Variants in TTN observed in about 807,000 individuals in gnomAD.
TTN encodes titin.
Under a neutral mutation model 3,223.0 loss-of-function variants are expected in TTN, and 1,525 were observed. That is an observed-to-expected ratio of 0.47 (90% CI 0.45 to 0.49). TTN has a LOEUF of 0.49. Among genes scored for constraint, TTN ranks in the 20% least tolerant of loss-of-function variants. The probability of loss-of-function intolerance (pLI) is 0.00; values close to 1 mark genes in which losing one functional copy is unlikely to be tolerated. For synonymous variants in TTN, 14,094 were observed against 15,161.0 expected, an observed-to-expected ratio of 0.93 and a Z score of 5.17; for missense variants, 40,786 against 43,424.0, an observed-to-expected ratio of 0.94 and a Z score of 5.40.
intron 111 of TTN, among the ~76,000 whole-genome samples, chr2:178,699,942 C>T (rs1008133111): frequency 1.3e-5 from 2 of 151,368 alleles, no homozygotes; most frequent in Non-Finnish European, 1.5e-5. Flanking sequence ...GTCTCGATCT[C>T]CTGACCTCGT....
rs766236539 is a variant in TTN at position 178,784,331 on chromosome 2, A to T, written c.2514T>A (p.Ala838=). The change falls in exon 16 of 363, where the codon GCT becomes GCA. Residue 838 remains alanine (A), a synonymous_variant. Coordinates refer to ENST00000589042, the MANE Select transcript of TTN (RefSeq NM_001267550.2). Reference sequence around the variant, plus strand: ...ACAACTCTTTTTGTAATGTGGCAATAGCACTACCGGCTATTGATGCCTACA... The same window carrying T: ...ACAACTCTTTTTGTAATGTGGCAATTGCACTACCGGCTATTGATGCCTACA... ...HGYEASIAGS[A]IATLQKELSA... is the part of the protein sequence containing the mutation. 1.1e-5 allele frequency: 17 copies of T among 1,614,006 alleles called. No individual in the cohort carries two copies. The highest frequency in any genetic ancestry group is 8.5e-7 in the Non-Finnish European group (1 of 1,180,004).
At position 178,632,584 on chromosome 2, in the gene TTN, T is replaced by G. The variant is rs998106657; in HGVS notation, c.43422A>C (p.Glu14474Asp). 5 of 1,613,258 alleles carry G rather than the reference T, an allele frequency of 3.1e-6. No individual in the cohort carries two copies. The African/African-American group carries it at 6.7e-5, about 22-fold the overall frequency. Residue 14474 changes from glutamate to aspartate, a missense_variant, in exon 235 of 363, where the codon GAA becomes GAC. By Grantham distance (45) the Glu-to-Asp change is conservative (BLOSUM62 2). Coordinates refer to ENST00000589042, the MANE Select transcript of TTN (RefSeq NM_001267550.2). ...MVIKSAAFED[E>D]AKYMFEAEDK... ...CTTCAGCTTCAAACATGTATTTTGCTTCATCTTCAAAAGCAGCTGACTTGA... is the reference window on the plus strand; with the variant it reads ...CTTCAGCTTCAAACATGTATTTTGCGTCATCTTCAAAAGCAGCTGACTTGA...
At position 178,733,890 on chromosome 2, in the gene TTN, G is replaced by T. The variant is rs1031284707; in HGVS notation, c.15499C>A (p.Pro5167Thr). ...TCTACTTTCTTTACAAAGGTTGGAGGTTCTAGTTAAGGAAAGAGAGCATAT... is the reference window on the plus strand; with the variant it reads ...TCTACTTTCTTTACAAAGGTTGGAGTTTCTAGTTAAGGAAAGAGAGCATAT... ...GCMATHLLKE[P>T]PTFVKKVDDL... The change falls in exon 53 of 363, where the codon CCT becomes ACT. Residue 5167 changes from proline to threonine, a missense_variant and splice_region_variant. Coordinates refer to ENST00000589042, the MANE Select transcript of TTN (RefSeq NM_001267550.2). 6.9e-6 allele frequency: 11 copies of T among 1,586,818 alleles called. No homozygotes were observed. The highest frequency in any genetic ancestry group is 1.7e-4 in the Middle Eastern group (1 of 5,922).
At chr2:178,745,986 CT>C (rs2083447790) in intron 47 of TTN, 1 of 1,611,996 alleles carries the variant, frequency 6.2e-7, no homozygotes, top group Non-Finnish European at 8.5e-7. Flanking sequence ...ATTTCAGAAT[CT>C]CCCATGGTGA....
Position 178,770,542 on chromosome 2 carries a change from A to G in TTN, c.8250T>C (p.Asn2750=), listed in dbSNP as rs1262287344. Residue 2750 remains asparagine (N), a synonymous_variant, in exon 35 of 363, where the codon AAT becomes AAC. Coordinates refer to ENST00000589042, the MANE Select transcript of TTN (RefSeq NM_001267550.2). ...CTTTGACAGAGATAGCATACTTTTC[A>G]TTGGATTCCAGCACAACTCCATTTT... The part of the protein sequence containing the change: ...WIKNGVVLES[N]EKYAISVKGT... 1 of 1,614,036 alleles carries G rather than the reference A, an allele frequency of 6.2e-7. No homozygotes were observed. The highest frequency in any genetic ancestry group is 8.5e-7 in the Non-Finnish European group (1 of 1,180,012).
chr2:178,578,083 C>T lies in TTN; in HGVS notation c.68432G>A (p.Gly22811Asp), dbSNP rs78806155. The part of the protein sequence containing the change: ...RDFKVTGLTE[G>D]LEYEFRVMAI... ...CATAACTCGGAATTCATATTCAAGA[C>T]CTTCAGTTAATCCTGTCACTTTAAA... is the stretch of plus-strand genomic sequence containing the variant. Residue 22811 changes from glycine to aspartate, a missense_variant, in exon 322 of 363, where the codon GGT (glycine) becomes GAT (aspartate). By Grantham distance (94) the Gly-to-Asp change is moderately conservative (BLOSUM62 -1). Coordinates refer to ENST00000589042, the MANE Select transcript of TTN (RefSeq NM_001267550.2). 6.2e-6 allele frequency: 10 copies of T among 1,613,254 alleles called. No individual in the cohort carries two copies. The highest frequency in any genetic ancestry group is 8.5e-6 in the Non-Finnish European group (10 of 1,179,478).
In TTN at chr2:178,756,526, T is replaced by C. The variant is rs2087029471; in HGVS notation, c.10950A>G (p.Glu3650=). ...QIAESTELSK[E]CAKESTGEAP... ...CCTCACCCGTGGACTCTTTAGCACA[T>C]TCCTTAGATAGCTCAGTGCTTTCTG... is the stretch of plus-strand genomic sequence containing the variant. Residue 3650 remains glutamate (E), a synonymous_variant, in exon 46 of 363, where the codon GAA becomes GAG. Transcript: ENST00000589042. 6.2e-7 allele frequency: 1 copy of C among 1,613,210 alleles called. No homozygotes were observed. The highest frequency in any genetic ancestry group is 1.7e-5 in the Admixed American group (1 of 59,960).
At position 178,620,311 on chromosome 2, in the gene TTN, C is replaced by CA; in HGVS notation, c.46209dup (p.Glu15404Ter). ...CAGGAGAAGACAGCGTCATCGAACT[C>CA]AGTGACTGTCTGATCTTCCAAGTGT... On this transcript the variant is annotated frameshift_variant, in exon 248 of 363. Transcript: ENST00000589042. LOFTEE classifies it high-confidence loss of function. 1 of 1,580,672 alleles carries CA rather than the reference C, an allele frequency of 6.3e-7. No individual in the cohort carries two copies. The highest frequency in any genetic ancestry group is 2.3e-5 in the East Asian group (1 of 44,404).
intron 260 of TTN, 32 bp from the exon 261 acceptor site, chr2:178,614,785 CA>C: frequency 1.9e-6 from 3 of 1,598,772 alleles, no homozygotes; most frequent in Non-Finnish European, 2.6e-6. Flanking sequence ...ATGATGTTAT[CA>C]AGTTCAAGCA....
Position 178,607,245 on chromosome 2 carries a change from G to T in TTN, c.53357C>A (p.Ser17786Tyr), listed in dbSNP as rs1060500485. The T allele has an allele frequency of 8.7e-6, 14 of 1,612,900 alleles. No homozygotes were observed. The highest frequency in any genetic ancestry group is 1.2e-5 in the Non-Finnish European group (14 of 1,179,306). Residue 17786 changes from serine to tyrosine, a missense_variant, in exon 278 of 363, where the codon TCT (serine) becomes TAT (tyrosine). Coordinates refer to ENST00000589042, the MANE Select transcript of TTN (RefSeq NM_001267550.2). ...TNRKMCLLNW[S>Y]DPEDDGGSEI... is the part of the protein sequence containing the mutation. ...ACTTCCTCCATCATCTTCTGGATCA[G>T]ACCAGTTAAGTAGACACATTTTTCT... is the stretch of plus-strand genomic sequence containing the variant.
At position 178,732,183 on chromosome 2, in the gene TTN, C is replaced by CACAAA. The variant is rs1310567554; in HGVS notation, c.16785_16786insTTTGT (p.Glu5596PhefsTer8). On this transcript the variant is annotated frameshift_variant, in exon 57 of 363. Coordinates refer to ENST00000589042, the MANE Select transcript of TTN (RefSeq NM_001267550.2). LOFTEE classifies it high-confidence loss of function. ...GTCAGTCTTAGAACTGCAGTAGACT[C>CACAAA]CACAAAAGACATTCTGTGTTTGCTG... is the stretch of plus-strand genomic sequence containing the variant. 1 of 1,613,840 alleles carries CACAAA rather than the reference C, an allele frequency of 6.2e-7. No homozygotes were observed. Among genetic ancestry groups the CACAAA allele is most frequent in the Non-Finnish European group, 8.5e-7 (1 of 1,179,778 alleles).
intron 69 of TTN, chr2:178,726,820 A>G (rs2079425852): frequency 3.2e-6 from 1 of 308,144 alleles, no homozygotes. Context: ...TTTTTTGTGC[A>G]GTTTTGAAAC....
chr2:178,541,581 A>G lies in TTN; in HGVS notation c.97496T>C (p.Ile32499Thr). 2 of 1,605,278 alleles carry G rather than the reference A, an allele frequency of 1.2e-6. No individual in the cohort carries two copies. Among genetic ancestry groups the G allele is most frequent in the Admixed American group, 1.7e-5 (1 of 59,322 alleles). ...CTGTAATGTTTCTGGGGGTCCAGGA[A>G]TACCTGCAGCAAGACAGAGGTTAAC... ...EVIECRSSIR[I>T]PGPPETLQIF... The change falls in exon 350 of 363, where the codon ATT (isoleucine) becomes ACT (threonine). Residue 32499 changes from isoleucine to threonine, a missense_variant. Ile to Thr is a moderately conservative substitution (Grantham distance 89). Transcript: ENST00000589042.
rs145307483 is a variant in TTN at position 178,624,279 on chromosome 2, A to T, written c.44815+186T>A. Among the ~76,000 whole-genome samples, 363 of 152,074 alleles carry T rather than the reference A, an allele frequency of 2.4e-3. 3 individuals carry two copies. The highest frequency in any genetic ancestry group is 8.1e-3 in the African/African-American group (336 of 41,536). On this transcript the variant is annotated intron_variant, in intron 242 of 362. Transcript: ENST00000589042. The stretch of plus-strand genomic sequence containing the variant: ...CCATCATTAATCAGACCAGACATAG[A>T]ATAAGACTTTTCTTTTCTTTTTTTC...
Position 178,568,979 on chromosome 2 carries a change from C to A in TTN, c.77153G>T (p.Ser25718Ile), listed in dbSNP as rs1439934941. ...ACCATCATGTTCAGGTTTTGTCCAA[C>A]TCAGAGAGACACTGTTTCTGGTGAC... ...DDVTRNSVSL[S>I]WTKPEHDGGS... Residue 25718 changes from serine (S) to isoleucine (I), a missense_variant, in exon 326 of 363, where the codon AGT becomes ATT. Transcript: ENST00000589042. The A allele has an allele frequency of 6.2e-7, 1 of 1,613,262 alleles. No homozygotes were observed. The highest frequency in any genetic ancestry group is 8.5e-7 in the Non-Finnish European group (1 of 1,179,564).
rs1336199270 is a variant in TTN, at chr2:178,604,351, G to A, written c.54382-46C>T. The A allele has an allele frequency of 4.4e-6, 6 of 1,364,458 alleles. No homozygotes were observed. In the African/African-American group the frequency reaches 7.4e-5, roughly 17 times the overall value. 84.5% of individuals were successfully genotyped at this position (1,364,458 alleles called of 1,614,324 possible). ...AATTTATTGAAGAGAATATACTTAT[G>A]TTGGTTTTCACTCATTTAAAAATTC... On this transcript the variant is annotated intron_variant, in intron 281 of 362. Transcript: ENST00000589042.
chr2:178,535,381 G>C lies in TTN; in HGVS notation c.101234C>G (p.Thr33745Arg). The change falls in exon 358 of 363, where the codon ACA (threonine) becomes AGA (arginine). Residue 33745 changes from threonine to arginine, a missense_variant. Physicochemically the swap from Thr to Arg is moderately conservative, Grantham distance 71 (BLOSUM62 -1). Coordinates refer to ENST00000589042, the MANE Select transcript of TTN (RefSeq NM_001267550.2). Reference protein sequence around the residue: ...RWLRVGQARETRYTVINLFGK... With the variant: ...RWLRVGQARERRYTVINLFGK... ...AAATAAGTTGATCACGGTATAACGT[G>C]TTTCTCGGGCCTGTCCTACACGGAG... 6.2e-7 allele frequency: 1 copy of C among 1,613,906 alleles called. No homozygotes were observed. The highest frequency in any genetic ancestry group is 8.5e-7 in the Non-Finnish European group (1 of 1,179,846).
At chr2:178,737,906 G>A (rs2154316389) in intron 49 of TTN, 176 bp downstream of exon 49, 2 of 650,880 alleles carry the variant, frequency 3.1e-6, no homozygotes, top group South Asian at 3.5e-5. Flanking sequence ...AAATGTGACT[G>A]TAAATAATGA....
chr2:178,726,272 CA>C, intron 69 of TTN: 1 of 429,556 alleles, frequency 2.3e-6, no homozygotes, highest in Non-Finnish European at 4.1e-6. Flanking sequence ...CGTTACTGAA[CA>C]GTTCAACATT....
Sources: gnomAD v4.1 joint callset for allele counts (sites outside exome capture counted in the v4.1 genomes callset) on GRCh38, gnomAD v4.1.1 for gene constraint, MANE v1.5 for transcripts, NCBI Gene and HGNC (gene_info 2026-07-23, HGNC 2026-07-21) for gene names.